Variants in H2BC15 observed in about 807,000 individuals in gnomAD.
H2BC15 encodes H2B clustered histone 15, also known as histone H2B type 1-N.
Under a neutral mutation model 6.6 loss-of-function variants are expected in H2BC15, and 5 were observed. That is an observed-to-expected ratio of 0.75 (90% CI 0.39 to 1.59). The LOEUF is 1.59. H2BC15 is among the 40% of genes most tolerant of loss of function. The pLI is 0.02. For synonymous variants in H2BC15, 87 were observed against 75.2 expected, an observed-to-expected ratio of 1.16 and a Z score of -0.81; for missense variants, 148 against 169.4, an observed-to-expected ratio of 0.87 and a Z score of 0.70.
rs1471788504 is a variant in H2BC15 at position 27,838,672 on chromosome 6, C to T, written c.11C>T (p.Pro4Leu). 1.2e-6 allele frequency: 2 copies of T among 1,613,920 alleles called. No homozygotes were observed. The highest frequency in any genetic ancestry group is 1.3e-5 in the African/African-American group (1 of 74,884). The change falls in exon 1 of 1, where the codon CCC (proline) becomes CTC (leucine). Residue 4 changes from proline (P) to leucine (L), a missense_variant. Physicochemically the swap from Pro to Leu is moderately conservative, Grantham distance 98. This residue lies in a region of H2BC15 where 90 missense variants were observed against 74.7 expected (regional missense o/e 1.20). Transcript: ENST00000612898. MPEPSKSAPAPKKG... is the reference protein window; with the variant it reads MPELSKSAPAPKKG... ...CAGTTACTCCCAGTCATGCCCGAGC[C>T]CTCAAAGTCCGCTCCTGCCCCGAAG...
chr6:27,838,826 C>G lies in H2BC15; in HGVS notation c.165C>G (p.Ile55Met). 6.2e-7 allele frequency: 1 copy of G among 1,614,286 alleles called. No homozygotes were observed. The highest frequency in any genetic ancestry group is 8.5e-7 in the Non-Finnish European group (1 of 1,180,054). The change falls in exon 1 of 1, where the codon ATC becomes ATG. Residue 55 changes from isoleucine (I) to methionine (M), a missense_variant. Coordinates refer to ENST00000612898, the MANE Select transcript of H2BC15 (RefSeq NM_003520.4). ...VLKQVHPDTG[I>M]SSKAMGIMNS... is the part of the protein sequence containing the mutation. Reference sequence around the variant, plus strand: ...AGCAGGTCCACCCCGACACCGGTATCTCGTCCAAGGCCATGGGCATCATGA... The same window carrying G: ...AGCAGGTCCACCCCGACACCGGTATGTCGTCCAAGGCCATGGGCATCATGA...
chr6:27,838,608 G>A lies in H2BC15; in HGVS notation c.-54G>A. 6.2e-7 allele frequency: 1 copy of A among 1,601,590 alleles called. No homozygotes were observed. ...GCAGTGAATAAGCGGTAGGTTGACAGAGCTACCGTCTTCCTGTTTTTTTCC... is the reference window on the plus strand; with the variant it reads ...GCAGTGAATAAGCGGTAGGTTGACAAAGCTACCGTCTTCCTGTTTTTTTCC... On this transcript the variant is annotated 5_prime_UTR_variant, in exon 1 of 1. Coordinates refer to ENST00000612898, the MANE Select transcript of H2BC15 (RefSeq NM_003520.4).
In H2BC15 at chr6:27,838,724, G is replaced by C. The variant is rs1284619802; in HGVS notation, c.63G>C (p.Lys21Asn). 4 of 1,614,218 alleles carry C rather than the reference G, an allele frequency of 2.5e-6. No individual in the cohort carries two copies. The highest frequency in any genetic ancestry group is 3.4e-6 in the Non-Finnish European group (4 of 1,180,040). Residue 21 changes from lysine (K) to asparagine (N), a missense_variant, in exon 1 of 1, where the codon AAG becomes AAC. Around this residue, in one of 2 missense-constraint regions of H2BC15, gnomAD observed 90 missense variants for 74.7 expected, o/e 1.20. Coordinates refer to ENST00000612898, the MANE Select transcript of H2BC15 (RefSeq NM_003520.4). ...PKKGSKKAVT[K>N]AQKKDGKKRK... ...AAGGCTCCAAGAAGGCAGTGACAAAGGCCCAGAAGAAGGACGGCAAGAAGC... is the reference window on the plus strand; with the variant it reads ...AAGGCTCCAAGAAGGCAGTGACAAACGCCCAGAAGAAGGACGGCAAGAAGC...
At position 27,838,874 on chromosome 6, in the gene H2BC15, C is replaced by T. The variant is rs144837583; in HGVS notation, c.213C>T (p.Phe71=). The T allele has an allele frequency of 3.9e-5, 63 of 1,614,272 alleles. No homozygotes were observed. The highest frequency in any genetic ancestry group is 3.3e-4 in the Middle Eastern group (2 of 6,062). ...GIMNSFVNDI[F]ERIAGEASRL... Reference sequence around the variant, plus strand: ...TGAACTCCTTCGTCAATGACATCTTCGAGCGCATCGCCGGCGAGGCTTCCC... The same window carrying T: ...TGAACTCCTTCGTCAATGACATCTTTGAGCGCATCGCCGGCGAGGCTTCCC... Residue 71 remains phenylalanine (F), a synonymous_variant, in exon 1 of 1, where the codon TTC becomes TTT. Coordinates refer to ENST00000612898, the MANE Select transcript of H2BC15 (RefSeq NM_003520.4).
At position 27,838,948 on chromosome 6, in the gene H2BC15, A is replaced by G. The variant is rs758402698; in HGVS notation, c.287A>G (p.Gln96Arg). ...TCGACCATCACCTCCAGGGAGATCC[A>G]GACGGCCGTGCGCCTGCTGCTGCCA... ...KRSTITSREI[Q>R]TAVRLLLPGE... The change falls in exon 1 of 1, where the codon CAG becomes CGG. Residue 96 changes from glutamine to arginine, a missense_variant. Physicochemically the swap from Gln to Arg is conservative, Grantham distance 43 (BLOSUM62 1). This residue lies in a region of H2BC15 where 58 missense variants were observed against 94.6 expected (regional missense o/e 0.61). Transcript: ENST00000612898. 1 of 1,614,134 alleles carries G rather than the reference A, an allele frequency of 6.2e-7. No homozygotes were observed. The highest frequency in any genetic ancestry group is 1.3e-5 in the African/African-American group (1 of 74,950).
rs752719689 is a variant in H2BC15 at position 27,838,946 on chromosome 6, C to G, written c.285C>G (p.Ile95Met). The change falls in exon 1 of 1, where the codon ATC becomes ATG. Residue 95 changes from isoleucine (I) to methionine (M), a missense_variant. By Grantham distance (10) the Ile-to-Met change is conservative (BLOSUM62 1). Coordinates refer to ENST00000612898, the MANE Select transcript of H2BC15 (RefSeq NM_003520.4). Reference protein sequence around the residue: ...NKRSTITSREIQTAVRLLLPG... With the variant: ...NKRSTITSREMQTAVRLLLPG... ...GCTCGACCATCACCTCCAGGGAGAT[C>G]CAGACGGCCGTGCGCCTGCTGCTGC... 7.4e-6 allele frequency: 12 copies of G among 1,614,154 alleles called. No individual in the cohort carries two copies. The highest frequency in any genetic ancestry group is 2.7e-5 in the African/African-American group (2 of 74,954).
Position 27,838,681 on chromosome 6 carries a change from C to G in H2BC15, c.20C>G (p.Ser7Cys). The stretch of plus-strand genomic sequence containing the variant: ...CCAGTCATGCCCGAGCCCTCAAAGT[C>G]CGCTCCTGCCCCGAAGAAAGGCTCC... MPEPSKSAPAPKKGSKK... is the reference protein window; with the variant it reads MPEPSKCAPAPKKGSKK... Residue 7 changes from serine (S) to cysteine (C), a missense_variant, in exon 1 of 1, where the codon TCC becomes TGC. By Grantham distance (112) the Ser-to-Cys change is moderately radical (BLOSUM62 -1). This residue lies in a region of H2BC15 where 90 missense variants were observed against 74.7 expected (regional missense o/e 1.20). Transcript: ENST00000612898. 1 of 1,614,114 alleles carries G rather than the reference C, an allele frequency of 6.2e-7. No homozygotes were observed. Among genetic ancestry groups the G allele is most frequent in the Non-Finnish European group, 8.5e-7 (1 of 1,179,994 alleles).
Position 27,838,880 on chromosome 6 carries a change from C to T in H2BC15, c.219C>T (p.Arg73=). 9.3e-6 allele frequency: 15 copies of T among 1,614,282 alleles called. No individual in the cohort carries two copies. The highest frequency in any genetic ancestry group is 1.3e-5 in the Non-Finnish European group (15 of 1,180,054). Reference sequence around the variant, plus strand: ...CCTTCGTCAATGACATCTTCGAGCGCATCGCCGGCGAGGCTTCCCGCCTGG... The same window carrying T: ...CCTTCGTCAATGACATCTTCGAGCGTATCGCCGGCGAGGCTTCCCGCCTGG... ...MNSFVNDIFE[R]IAGEASRLAH... is the part of the protein sequence containing the mutation. Residue 73 remains arginine (R), a synonymous_variant, in exon 1 of 1, where the codon CGC becomes CGT. Transcript: ENST00000612898.
rs1205181037 is a variant in H2BC15, at chr6:27,838,938, A to G, written c.277A>G (p.Arg93Gly). ...CAACAAGCGCTCGACCATCACCTCC[A>G]GGGAGATCCAGACGGCCGTGCGCCT... Reference protein sequence around the residue: ...HYNKRSTITSREIQTAVRLLL... With the variant: ...HYNKRSTITSGEIQTAVRLLL... Residue 93 changes from arginine to glycine, a missense_variant, in exon 1 of 1, where the codon AGG (arginine) becomes GGG (glycine). Transcript: ENST00000612898. The G allele has an allele frequency of 2.5e-6, 4 of 1,614,238 alleles. No homozygotes were observed. The highest frequency in any genetic ancestry group is 2.2e-5 in the East Asian group (1 of 44,888).
chr6:27,838,768 A>G lies in H2BC15; in HGVS notation c.107A>G (p.Glu36Gly). ...DGKKRKRSRK[E>G]SYSVYVYKVL... The stretch of plus-strand genomic sequence containing the variant: ...AAGAAGCGCAAGCGCAGCCGCAAGG[A>G]GAGCTACTCCGTGTACGTGTACAAG... The change falls in exon 1 of 1, where the codon GAG becomes GGG. Residue 36 changes from glutamate to glycine, a missense_variant. Coordinates refer to ENST00000612898, the MANE Select transcript of H2BC15 (RefSeq NM_003520.4). 6.2e-7 allele frequency: 1 copy of G among 1,614,270 alleles called. No homozygotes were observed. The highest frequency in any genetic ancestry group is 2.2e-5 in the East Asian group (1 of 44,880).
At position 27,838,987 on chromosome 6, in the gene H2BC15, A is replaced by G; in HGVS notation, c.326A>G (p.Lys109Arg). Reference sequence around the variant, plus strand: ...CTGCTGCTGCCAGGGGAGCTGGCCAAGCACGCGGTGTCGGAGGGCACCAAG... The same window carrying G: ...CTGCTGCTGCCAGGGGAGCTGGCCAGGCACGCGGTGTCGGAGGGCACCAAG... Reference protein sequence around the residue: ...VRLLLPGELAKHAVSEGTKAV... With the variant: ...VRLLLPGELARHAVSEGTKAV... Residue 109 changes from lysine (K) to arginine (R), a missense_variant, in exon 1 of 1, where the codon AAG becomes AGG. Transcript: ENST00000612898. 1 of 1,614,216 alleles carries G rather than the reference A, an allele frequency of 6.2e-7. No homozygotes were observed. The highest frequency in any genetic ancestry group is 8.5e-7 in the Non-Finnish European group (1 of 1,180,042).
chr6:27,838,900 G>C lies in H2BC15; in HGVS notation c.239G>C (p.Arg80Pro). Reference protein sequence around the residue: ...IFERIAGEASRLAHYNKRSTI... With the variant: ...IFERIAGEASPLAHYNKRSTI... ...GAGCGCATCGCCGGCGAGGCTTCCC[G>C]CCTGGCGCATTACAACAAGCGCTCG... Residue 80 changes from arginine to proline, a missense_variant, in exon 1 of 1, where the codon CGC (arginine) becomes CCC (proline). Arg to Pro is a moderately radical substitution (Grantham distance 103). This residue lies in a region of H2BC15 where 58 missense variants were observed against 94.6 expected (regional missense o/e 0.61). Coordinates refer to ENST00000612898, the MANE Select transcript of H2BC15 (RefSeq NM_003520.4). The C allele has an allele frequency of 6.2e-7, 1 of 1,614,254 alleles. No individual in the cohort carries two copies. Among genetic ancestry groups the C allele is most frequent in the Non-Finnish European group, 8.5e-7 (1 of 1,180,048 alleles).
Position 27,838,843 on chromosome 6 carries a change from G to A in H2BC15, c.182G>A (p.Gly61Asp). The change falls in exon 1 of 1, where the codon GGC (glycine) becomes GAC (aspartate). Residue 61 changes from glycine (G) to aspartate (D), a missense_variant. Gly to Asp is a moderately conservative substitution (Grantham distance 94, BLOSUM62 -1). Around this residue, in one of 2 missense-constraint regions of H2BC15, gnomAD observed 58 missense variants for 94.6 expected, o/e 0.61. Coordinates refer to ENST00000612898, the MANE Select transcript of H2BC15 (RefSeq NM_003520.4). ...PDTGISSKAM[G>D]IMNSFVNDIF... ...ACCGGTATCTCGTCCAAGGCCATGG[G>A]CATCATGAACTCCTTCGTCAATGAC... 6.2e-7 allele frequency: 1 copy of A among 1,614,284 alleles called. No homozygotes were observed. Among genetic ancestry groups the A allele is most frequent in the Non-Finnish European group, 8.5e-7 (1 of 1,180,054 alleles).
Position 27,838,676 on chromosome 6 carries a change from A to C in H2BC15, c.15A>C (p.Ser5=). The C allele has an allele frequency of 6.2e-7, 1 of 1,614,032 alleles. No individual in the cohort carries two copies. The highest frequency in any genetic ancestry group is 8.5e-7 in the Non-Finnish European group (1 of 1,180,004). The part of the protein sequence containing the change: MPEP[S]KSAPAPKKGS... ...TACTCCCAGTCATGCCCGAGCCCTC[A>C]AAGTCCGCTCCTGCCCCGAAGAAAG... is the stretch of plus-strand genomic sequence containing the variant. Residue 5 remains serine (S), a synonymous_variant, in exon 1 of 1, where the codon TCA becomes TCC. Coordinates refer to ENST00000612898, the MANE Select transcript of H2BC15 (RefSeq NM_003520.4).
At position 27,839,052 on chromosome 6, in the gene H2BC15, C is replaced by T; in HGVS notation, c.*10C>T. ...CACCAGTTCCAAGTGAGCCCGCCCA[C>T]CGCGGAACGTTCGGTCAGTCTCGGC... On this transcript the variant is annotated 3_prime_UTR_variant, in exon 1 of 1. Transcript: ENST00000612898. 4 of 1,613,358 alleles carry T rather than the reference C, an allele frequency of 2.5e-6. No homozygotes were observed. The highest frequency in any genetic ancestry group is 3.4e-6 in the Non-Finnish European group (4 of 1,179,510).
chr6:27,838,952 G>A lies in H2BC15; in HGVS notation c.291G>A (p.Thr97=). 1.2e-6 allele frequency: 2 copies of A among 1,614,262 alleles called. No individual in the cohort carries two copies. Among genetic ancestry groups the A allele is most frequent in the Non-Finnish European group, 1.7e-6 (2 of 1,180,048 alleles). ...CCATCACCTCCAGGGAGATCCAGAC[G>A]GCCGTGCGCCTGCTGCTGCCAGGGG... ...RSTITSREIQ[T]AVRLLLPGEL... is the part of the protein sequence containing the mutation. The change falls in exon 1 of 1, where the codon ACG becomes ACA. Residue 97 remains threonine, a synonymous_variant. Coordinates refer to ENST00000612898, the MANE Select transcript of H2BC15 (RefSeq NM_003520.4).
In H2BC15 at chr6:27,838,621, C is replaced by T. The variant is rs375174097; in HGVS notation, c.-41C>T. ...GGTAGGTTGACAGAGCTACCGTCTT[C>T]CTGTTTTTTTCCTCCAATTTTCCGG... On this transcript the variant is annotated 5_prime_UTR_variant, in exon 1 of 1. Coordinates refer to ENST00000612898, the MANE Select transcript of H2BC15 (RefSeq NM_003520.4). The T allele has an allele frequency of 9.3e-6, 15 of 1,608,542 alleles. No homozygotes were observed. The highest frequency in any genetic ancestry group is 1.2e-5 in the Non-Finnish European group (14 of 1,177,300).
rs1252404709 is a variant in H2BC15 at position 27,839,104 on chromosome 6, C to T, written c.*62C>T. On this transcript the variant is annotated 3_prime_UTR_variant, in exon 1 of 1. Transcript: ENST00000612898. ...CACACCCCAAAGGCTCTTTTCAGAG[C>T]CACTCAGTCTTCCCAAAGAGAACTG... The T allele has an allele frequency of 1.9e-6, 3 of 1,576,260 alleles. No individual in the cohort carries two copies. The highest frequency in any genetic ancestry group is 1.7e-6 in the Non-Finnish European group (2 of 1,161,266).
At position 27,838,853 on chromosome 6, in the gene H2BC15, C is replaced by G; in HGVS notation, c.192C>G (p.Asn64Lys). The change falls in exon 1 of 1, where the codon AAC (asparagine) becomes AAG (lysine). Residue 64 changes from asparagine to lysine, a missense_variant. Physicochemically the swap from Asn to Lys is moderately conservative, Grantham distance 94 (BLOSUM62 0). Transcript: ENST00000612898. Reference protein sequence around the residue: ...GISSKAMGIMNSFVNDIFERI... With the variant: ...GISSKAMGIMKSFVNDIFERI... ...CGTCCAAGGCCATGGGCATCATGAA[C>G]TCCTTCGTCAATGACATCTTCGAGC... 6.2e-7 allele frequency: 1 copy of G among 1,614,292 alleles called. No individual in the cohort carries two copies. The highest frequency in any genetic ancestry group is 1.1e-5 in the South Asian group (1 of 91,090).
Sources: gnomAD v4.1 joint callset for allele counts on GRCh38, gnomAD v4.1.1 for gene constraint, gnomAD v4.1.1 regional missense constraint, MANE v1.5 for transcripts, NCBI Gene and HGNC (gene_info 2026-07-23, HGNC 2026-07-21) for gene names.